OPHN1: variants seen among roughly 807,000 people sequenced by gnomAD.
The protein encoded by OPHN1 is oligophrenin-1.
OPHN1 carries 11 observed loss-of-function variants against 60.7 expected under a neutral mutation model. The observed-to-expected ratio is 0.18, with a 90% CI of 0.11 to 0.30. OPHN1 has a LOEUF of 0.30. OPHN1 is among the 10% of genes least tolerant of loss of function. The pLI is 1.00. For synonymous variants in OPHN1, 226 were observed against 222.6 expected (o/e 1.02, Z -0.14); for missense variants, 449 against 611.0 (o/e 0.73, Z 2.80).
chrX:68,337,200 T>A (rs946030691), intron 2 of OPHN1, among the ~76,000 whole-genome samples: 4 of 112,160 alleles, frequency 3.6e-5, no homozygotes, highest in East Asian at 2.8e-4. Flanking sequence ...TCAACTTTTT[T>A]AAAAAATTGT....
At chrX:68,377,512 C>T (rs1224507451) in intron 2 of OPHN1, among the ~76,000 whole-genome samples, 37 of 106,710 alleles carry the variant, frequency 3.5e-4, no homozygotes, top group African/African-American at 7.2e-4. Context: ...ACATGTGCCA[C>T]GCTGGTGTGC....
intron 2 of OPHN1, among the ~76,000 whole-genome samples, chrX:68,300,388 T>C (rs2078114301): frequency 8.9e-6 from 1 of 112,790 alleles, no homozygotes; most frequent in African/African-American, 3.2e-5. Context: ...ATTTTGTCTT[T>C]GTCTCATTTT....
chrX:68,380,073 G>A (rs2078587057), intron 2 of OPHN1, among the ~76,000 whole-genome samples: 1 of 111,067 alleles, frequency 9.0e-6, no homozygotes, highest in Admixed American at 9.6e-5. Context: ...CTTTTTTGTT[G>A]GTAAGCTATT....
chrX:68,112,443 G>T (rs1313039017), intron 17 of OPHN1: 1 of 116,530 alleles, frequency 8.6e-6, no homozygotes, highest in African/African-American at 3.2e-5. Flanking sequence ...GTACTGAGAA[G>T]TGTGCTGCTG....
chrX:68,248,170 C>T (rs1476026865), intron 5 of OPHN1, among the ~76,000 whole-genome samples: 2 of 111,135 alleles, frequency 1.8e-5, no homozygotes, highest in Non-Finnish European at 3.8e-5. Context: ...CAGCATGTTT[C>T]AGAGAACATC....
chrX:68,327,115 A>G (rs2078266450), intron 2 of OPHN1, among the ~76,000 whole-genome samples: 1 of 2,301 alleles, frequency 4.3e-4, no homozygotes, highest in Non-Finnish European at 5.8e-4. Context: ...GGAAGTGAGG[A>G]GCCCCTCTGC....
intron 21 of OPHN1, among the ~76,000 whole-genome samples, chrX:68,058,134 T>C (rs1248344993): frequency 9.0e-6 from 1 of 111,156 alleles, no homozygotes; most frequent in Non-Finnish European, 1.9e-5. Flanking sequence ...GTACTCTACA[T>C]GTACTTAACC....
At chrX:68,125,954 T>TATATATATATATATATACAC (rs1262640434) in intron 15 of OPHN1, among the ~76,000 whole-genome samples, 2 of 55,824 alleles carry the variant, frequency 3.6e-5, no homozygotes, top group Non-Finnish European at 7.0e-5. Flanking sequence ...TATATATATA[T>TATATATATATATATATACAC]ATACATACAC....
intron 19 of OPHN1, among the ~76,000 whole-genome samples, chrX:68,083,368 G>A (rs1474847483): frequency 3.6e-5 from 4 of 110,647 alleles, no homozygotes; most frequent in Non-Finnish European, 3.8e-5. Context: ...CACCGCGCCC[G>A]GCCTCAACCT....
chrX:68,145,200 C>A, intron 15 of OPHN1, among the ~76,000 whole-genome samples: 1 of 111,498 alleles, frequency 9.0e-6, no homozygotes, highest in Admixed American at 9.5e-5. Context: ...TGTACATTGT[C>A]AAGAAGTTAT....
intron 15 of OPHN1, among the ~76,000 whole-genome samples, chrX:68,192,449 G>A (rs901401834): frequency 2.0e-5 from 2 of 99,209 alleles, no homozygotes; most frequent in Non-Finnish European, 4.0e-5. Context: ...CTCCAGCCTA[G>A]GCGACAGAGC....
intron 2 of OPHN1, among the ~76,000 whole-genome samples, chrX:68,408,372 C>T (rs1456326706): frequency 8.9e-6 from 1 of 111,932 alleles, no homozygotes; most frequent in Admixed American, 9.6e-5. Flanking sequence ...CTCCTCACTT[C>T]ACCTCCAAAT....
intron 5 of OPHN1, among the ~76,000 whole-genome samples, chrX:68,273,314 A>T (rs1046583038): frequency 8.9e-6 from 1 of 112,386 alleles, no homozygotes; most frequent in South Asian, 3.7e-4. Flanking sequence ...AGATGCTTGG[A>T]CAAGATGCTG....
chrX:68,133,420 G>T, intron 15 of OPHN1: 1 of 763,653 alleles, frequency 1.3e-6, no homozygotes, highest in South Asian at 2.1e-5. Context: ...TATGGGACAA[G>T]GCCAACAAGC....
intron 2 of OPHN1, among the ~76,000 whole-genome samples, chrX:68,304,705 G>T (rs1267907625): frequency 9.0e-6 from 1 of 111,051 alleles, no homozygotes; most frequent in Non-Finnish European, 1.9e-5. Flanking sequence ...GGTATATTAA[G>T]GTATGCTAAT....
intron 2 of OPHN1, among the ~76,000 whole-genome samples, chrX:68,397,967 G>C (rs1262009884): frequency 2.7e-5 from 3 of 111,162 alleles, no homozygotes; most frequent in Non-Finnish European, 5.7e-5. Flanking sequence ...ACAAAAGGAT[G>C]ATTTAATGAT....
At chrX:68,233,788 C>T (rs1569253200) in intron 6 of OPHN1, among the ~76,000 whole-genome samples, 2 of 111,491 alleles carry the variant, frequency 1.8e-5, no homozygotes, top group African/African-American at 6.5e-5. Flanking sequence ...AAGGAAATTC[C>T]CCACATCCAA....
At chrX:68,258,252 A>T (rs780301850) in intron 5 of OPHN1, among the ~76,000 whole-genome samples, 1 of 109,998 alleles carries the variant, frequency 9.1e-6, no homozygotes, top group South Asian at 3.9e-4. Context: ...TCTTTTATTT[A>T]TTTATTTTTT....
chrX:68,378,794 C>G (rs1473442787), intron 2 of OPHN1, among the ~76,000 whole-genome samples: 2 of 111,221 alleles, frequency 1.8e-5, no homozygotes, highest in Non-Finnish European at 3.8e-5. Flanking sequence ...TGATCTATAT[C>G]TCTGTTTTGG....
Sources: gnomAD v4.1 joint callset for allele counts (sites outside exome capture counted in the v4.1 genomes callset) on GRCh38, gnomAD v4.1.1 for gene constraint, MANE v1.5 for transcripts, NCBI Gene and HGNC (gene_info 2026-07-23, HGNC 2026-07-21) for gene names.